Variants in SPECC1L observed in about 807,000 individuals in gnomAD.
SPECC1L encodes the protein cytospin-A.
A neutral mutation model predicts 116.8 loss-of-function variants in SPECC1L; 40 were observed. The ratio of observed to expected loss-of-function variants is 0.34; its 90% CI spans 0.27 to 0.45. The LOEUF is 0.45. Ranked by LOEUF, SPECC1L falls within the 20% of genes least tolerant of loss-of-function variation. The pLI is 1.00. For synonymous variants in SPECC1L, 504 were observed against 500.6 expected (o/e 1.01, Z -0.09); for missense variants, 1,110 against 1,373.6 (o/e 0.81, Z 3.03).
chr22:24,350,881 C>T (rs576380048), intron 11 of SPECC1L, among the ~76,000 whole-genome samples: 4 of 152,272 alleles, frequency 2.6e-5, no homozygotes, highest in East Asian at 1.9e-4. Context: ...AGCCTGGGCA[C>T]GGTGGTGTGG....
chr22:24,382,606 G>A (rs577266235), intron 14 of SPECC1L, among the ~76,000 whole-genome samples: 3 of 151,518 alleles, frequency 2.0e-5, no homozygotes, highest in Non-Finnish European at 4.4e-5. Flanking sequence ...GGGAGGCTGA[G>A]GCAAGAGAAT....
At chr22:24,358,773 A>G (rs1400485944) in intron 11 of SPECC1L, among the ~76,000 whole-genome samples, 2 of 152,200 alleles carry the variant, frequency 1.3e-5, no homozygotes, top group Non-Finnish European at 2.9e-5. Context: ...TCAATCACCA[A>G]AGCTTCTATT....
At chr22:24,321,253 AT>A in intron 4 of SPECC1L, 34 bp from the exon 5 acceptor site, 4 of 1,610,692 alleles carry the variant, frequency 2.5e-6, no homozygotes, top group Non-Finnish European at 3.4e-6. Flanking sequence ...TATTGCTGAC[AT>A]TTTTGCCTTA....
chr22:24,348,051 C>G (rs770969541), intron 11 of SPECC1L, among the ~76,000 whole-genome samples: 1 of 152,296 alleles, frequency 6.6e-6, no homozygotes, highest in South Asian at 2.1e-4. Context: ...GGCTCCTTCT[C>G]TTACCCCACG....
chr22:24,325,579 A>ATT lies in SPECC1L; in HGVS notation c.2146+1153_2146+1154insTT, dbSNP rs1569421891. 7.9e-3 allele frequency among the ~76,000 whole-genome samples: 1,148 copies of ATT among 145,590 alleles called. 17 individuals carry two copies. Among genetic ancestry groups the ATT allele is most frequent in the African/African-American group, 0.026 (999 of 38,922 alleles). On this transcript the variant is annotated intron_variant, in intron 6 of 16. Coordinates refer to ENST00000314328, the MANE Select transcript of SPECC1L (RefSeq NM_015330.6). ...TATTTATTTATTTATTTATTTATTTATAAGAGGTGACAGTAATAAAAATGT... is the reference window on the plus strand; with the variant it reads ...TATTTATTTATTTATTTATTTATTTATTTAAGAGGTGACAGTAATAAAAATGT...
At chr22:24,284,927 G>A (rs955675275) in intron 2 of SPECC1L, among the ~76,000 whole-genome samples, 4 of 152,138 alleles carry the variant, frequency 2.6e-5, no homozygotes, top group Non-Finnish European at 4.4e-5. Flanking sequence ...GAAGAGAAAG[G>A]GAGAGACACA....
At chr22:24,363,878 C>A (rs893475141) in intron 12 of SPECC1L, among the ~76,000 whole-genome samples, 1 of 118,626 alleles carries the variant, frequency 8.4e-6, no homozygotes, top group East Asian at 2.6e-4. Context: ...TGTGGTTATC[C>A]TAAAATCATT....
chr22:24,275,533 T>TC (rs2048820031), intron 1 of SPECC1L, among the ~76,000 whole-genome samples: 2 of 151,718 alleles, frequency 1.3e-5, no homozygotes, highest in South Asian at 4.1e-4. Context: ...TTCCCTTTTT[T>TC]CTCTTGTACA....
intron 4 of SPECC1L, among the ~76,000 whole-genome samples, chr22:24,318,117 G>T (rs2040638832): frequency 6.8e-6 from 1 of 146,376 alleles, no homozygotes; most frequent in Admixed American, 6.6e-5. Context: ...TCCCAGACGG[G>T]GTGGGGCCGG....
At chr22:24,273,045 A>G (rs1310872882) in intron 1 of SPECC1L, among the ~76,000 whole-genome samples, 1 of 152,202 alleles carries the variant, frequency 6.6e-6, no homozygotes, top group Non-Finnish European at 1.5e-5. Context: ...GTGAGTGGAG[A>G]ATAACTGTAA....
intron 14 of SPECC1L, among the ~76,000 whole-genome samples, chr22:24,395,833 G>T (rs577636220): frequency 6.6e-6 from 1 of 152,210 alleles, no homozygotes; most frequent in East Asian, 1.9e-4. Context: ...TAGAGACAGG[G>T]TTTCACCATG....
chr22:24,365,475 G>A lies in SPECC1L; in HGVS notation c.2828-1G>A. 6.2e-7 allele frequency: 1 copy of A among 1,613,962 alleles called. No homozygotes were observed. The highest frequency in any genetic ancestry group is 8.5e-7 in the Non-Finnish European group (1 of 1,179,972). On this transcript the variant is annotated splice_acceptor_variant, in intron 12 of 16. Coordinates refer to ENST00000314328, the MANE Select transcript of SPECC1L (RefSeq NM_015330.6). LOFTEE classifies it high-confidence loss of function. ...GAGTGCATAATGACTATTTCTCACA[G>A]TGTCTCGACGAAGTAGTGAAGAAGT...
At chr22:24,272,599 A>G (rs1182560706) in intron 1 of SPECC1L, among the ~76,000 whole-genome samples, 4 of 150,352 alleles carry the variant, frequency 2.7e-5, no homozygotes, top group Non-Finnish European at 5.9e-5. Context: ...CTTAGGAGGC[A>G]GAGGGTGCAG....
At chr22:24,318,909 C>T (rs1183416825) in intron 4 of SPECC1L, among the ~76,000 whole-genome samples, 1 of 148,844 alleles carries the variant, frequency 6.7e-6, no homozygotes, top group Non-Finnish European at 1.5e-5. Context: ...GCCTGGGTGA[C>T]AGAGCCTCAA....
intron 13 of SPECC1L, among the ~76,000 whole-genome samples, chr22:24,366,973 C>T (rs1320849526): frequency 6.6e-6 from 1 of 152,154 alleles, no homozygotes; most frequent in Non-Finnish European, 1.5e-5. Flanking sequence ...ATGGGCAGAT[C>T]ACTTGAGGTC....
chr22:24,382,725 A>G (rs2042085326), intron 14 of SPECC1L, among the ~76,000 whole-genome samples: 1 of 150,270 alleles, frequency 6.7e-6, no homozygotes, highest in African/African-American at 2.5e-5. Flanking sequence ...AAAAAAAAAA[A>G]AGAGTAATGA....
At chr22:24,373,929 GA>G (rs889129961) in intron 14 of SPECC1L, among the ~76,000 whole-genome samples, 37 of 148,126 alleles carry the variant, frequency 2.5e-4, no homozygotes, top group South Asian at 1.5e-3. Context: ...AAATATACAA[GA>G]AAAAAAAAAT....
rs539099359 is a variant in SPECC1L, at chr22:24,381,680, C to T, written c.3087+12360C>T. Among the ~76,000 whole-genome samples, 8 of 152,082 alleles carry T rather than the reference C, an allele frequency of 5.3e-5. No homozygotes were observed. The South Asian group carries it at 1.2e-3, about 24-fold the overall frequency. On this transcript the variant is annotated intron_variant, in intron 14 of 16. Transcript: ENST00000314328. Reference sequence around the variant, plus strand: ...GAGGCGGATCACGAGATCAGGAGATCGAGACCATCCTGGCTAATATGGTGA... The same window carrying T: ...GAGGCGGATCACGAGATCAGGAGATTGAGACCATCCTGGCTAATATGGTGA...
intron 1 of SPECC1L, among the ~76,000 whole-genome samples, chr22:24,273,835 C>T (rs184166387): frequency 9.9e-5 from 15 of 152,282 alleles, no homozygotes; most frequent in Non-Finnish European, 1.9e-4. Context: ...CTCCGCTCAC[C>T]GCAACCTACG....
Sources: allele counts gnomAD v4.1 joint callset (sites outside exome capture counted in the v4.1 genomes callset), GRCh38; gene constraint gnomAD v4.1.1; transcripts MANE v1.5; gene names NCBI Gene and HGNC (gene_info 2026-07-23, HGNC 2026-07-21).